Variants in C1orf167 observed in about 807,000 individuals in gnomAD.
The protein encoded by C1orf167 is uncharacterized protein C1orf167.
Under a neutral mutation model 176.5 loss-of-function variants are expected in C1orf167, and 153 were observed. The observed-to-expected ratio is 0.87, with a 90% confidence interval of 0.76 to 0.99. The LOEUF (loss-of-function observed/expected upper bound fraction) is 0.99, where lower values mean the gene tolerates loss of function less well. Among genes scored for constraint, C1orf167 ranks in the 50% least tolerant of loss-of-function variants. C1orf167 has a pLI of 0.00. For synonymous variants in C1orf167, 594 were observed against 752.7 expected (o/e 0.79, Z 3.45); for missense variants, 1,490 against 1,817.7 (o/e 0.82, Z 3.28).
At chr1:11,787,579 C>T in intron 17 of C1orf167, 86 bp downstream of exon 17, 1 of 954,572 alleles carries the variant, frequency 1.0e-6, no homozygotes, top group Non-Finnish European at 1.4e-6. Context: ...TGGAAATCAG[C>T]TCCTTGGGAC....
At chr1:11,776,126 G>C (rs6659287) in intron 9 of C1orf167, among the ~76,000 whole-genome samples, 11 of 151,966 alleles carry the variant, frequency 7.2e-5, no homozygotes, top group African/African-American at 2.7e-4. Flanking sequence ...GTGTGGTGGC[G>C]CATGCCTGTA....
At chr1:11,786,445 TTTTG>T (rs1643871372) in intron 16 of C1orf167, 1 of 152,176 alleles carries the variant, frequency 6.6e-6, no homozygotes, top group African/African-American at 2.4e-5. Flanking sequence ...TTCAGTCGTT[TTTTG>T]TTCTCAGACA....
intron 13 of C1orf167, 36 bp downstream of exon 13, chr1:11,780,046 G>A: frequency 2.4e-6 from 3 of 1,235,888 alleles, no homozygotes; most frequent in Non-Finnish European, 3.2e-6. Context: ...CTGCGGGTGA[G>A]GGCAGGGCCA....
intron 1 of C1orf167, among the ~76,000 whole-genome samples, chr1:11,762,711 C>T (rs1370069891): frequency 3.3e-5 from 5 of 152,204 alleles, no homozygotes; most frequent in African/African-American, 1.2e-4. Flanking sequence ...CTGCTGAAGG[C>T]TGCAAGGTGC....
intron 6 of C1orf167, among the ~76,000 whole-genome samples, chr1:11,769,443 T>C (rs1280875171): frequency 2.0e-5 from 3 of 151,932 alleles, no homozygotes; most frequent in Non-Finnish European, 4.4e-5. Context: ...GGGGGCATGC[T>C]TGTAGTCCCA....
At position 11,766,304 on chromosome 1, in the gene C1orf167, C is replaced by T. The variant is rs2100241667; in HGVS notation, c.518C>T (p.Ala173Val). 2.3e-6 allele frequency: 3 copies of T among 1,289,206 alleles called. No individual in the cohort carries two copies. Among genetic ancestry groups the T allele is most frequent in the South Asian group, 1.2e-5 (1 of 80,940 alleles). The allele number at this position is 1,289,206 out of a possible 1,614,324, so 79.9% of individuals were successfully genotyped here. Residue 173 changes from alanine (A) to valine (V), a missense_variant, in exon 3 of 21, where the codon GCC becomes GTC. Ala to Val is a moderately conservative substitution (Grantham distance 64). Transcript: ENST00000688073. This position sits in a 1 kb window ranked among gnomAD's most constrained non-coding sequence, Gnocchi z 4.5. Reference protein sequence around the residue: ...SSCLRQSGLPAPGTPSGDFRP... With the variant: ...SSCLRQSGLPVPGTPSGDFRP... ...TGCCTGAGGCAGTCCGGGCTGCCGG[C>T]CCCAGGCACCCCTAGCGGGGACTTC... is the stretch of plus-strand genomic sequence containing the variant.
At position 11,785,129 on chromosome 1, in the gene C1orf167, AC is replaced by A; in HGVS notation, c.3426-18del. ...CTGGCCTTTATGGCCCTGGCTGCAG[AC>A]TCCTTCCTCTCCCGCAGGGTCCTAG... On this transcript the variant is annotated intron_variant, in intron 15 of 20. Transcript: ENST00000688073. 7.8e-7 allele frequency: 1 copy of A among 1,276,118 alleles called. No individual in the cohort carries two copies. Among genetic ancestry groups the A allele is most frequent in the South Asian group, 1.2e-5 (1 of 80,358 alleles). 79.0% of individuals were successfully genotyped at this position (1,276,118 alleles called of 1,614,324 possible). A position where few individuals can be genotyped will look rare whatever the true frequency, so the allele number is the denominator to read the frequency against.
intron 12 of C1orf167, 94 bp downstream of exon 12, chr1:11,779,174 C>G (rs1381248693): frequency 1.7e-6 from 2 of 1,148,352 alleles, no homozygotes; most frequent in Non-Finnish European, 2.2e-6. Flanking sequence ...GCAGCAGCCC[C>G]TTGGGGTCTG....
rs2100417311 is a variant in C1orf167 at position 11,785,279 on chromosome 1, G to C, written c.3557G>C (p.Gly1186Ala). Residue 1186 changes from glycine (G) to alanine (A), a missense_variant, in exon 16 of 21, where the codon GGG (glycine) becomes GCG (alanine). By Grantham distance (60) the Gly-to-Ala change is moderately conservative (BLOSUM62 0). Coordinates refer to ENST00000688073, the MANE Select transcript of C1orf167 (RefSeq NM_001010881.2). ...CTCAGGGTGCGGCTGGGACTGCCAG[G>C]GGCCGGCAAGGTACGCCCCAAGCCC... ...VQLRVRLGLP[G>A]AGKTRSCWTQ... 1 of 1,286,588 alleles carries C rather than the reference G, an allele frequency of 7.8e-7. No individual in the cohort carries two copies. 79.7% of individuals were successfully genotyped at this position (1,286,588 alleles called of 1,614,324 possible). A position where few individuals can be genotyped will look rare whatever the true frequency, so the allele number is the denominator to read the frequency against.
rs1054721340 is a variant in C1orf167, at chr1:11,776,507, G to A, written c.2208G>A (p.Leu736=). 10 of 1,300,788 alleles carry A rather than the reference G, an allele frequency of 7.7e-6. No homozygotes were observed. The highest frequency in any genetic ancestry group is 1.0e-5 in the Non-Finnish European group (10 of 987,552). The allele number at this position is 1,300,788 out of a possible 1,614,324, so 80.6% of individuals were successfully genotyped here. A position where few individuals can be genotyped will look rare whatever the true frequency, so the allele number is the denominator to read the frequency against. ...CCGCAGGCCCTGGAGCCTGTGGCCTGGGTGCAGTGGGCCAGGCCCAGGGGC... is the reference window on the plus strand; with the variant it reads ...CCGCAGGCCCTGGAGCCTGTGGCCTAGGTGCAGTGGGCCAGGCCCAGGGGC... The part of the protein sequence containing the change: ...VYTAGPGACG[L]GAVGQAQGQQ... The change falls in exon 10 of 21, where the codon CTG becomes CTA. Residue 736 remains leucine, a synonymous_variant. Transcript: ENST00000688073.
chr1:11,788,561 G>T, intron 19 of C1orf167, 91 bp from the exon 20 acceptor site: 1 of 1,175,534 alleles, frequency 8.5e-7, no homozygotes, highest in Non-Finnish European at 1.1e-6. Context: ...TTTCACTCTG[G>T]TGCAGCAGTG....
At chr1:11,771,749 C>A in intron 7 of C1orf167, 113 bp downstream of exon 7, 2 of 653,948 alleles carry the variant, frequency 3.1e-6, no homozygotes, top group Non-Finnish European at 2.3e-6. Flanking sequence ...TATTTTGCAT[C>A]TGCTTTGGCA....
At chr1:11,762,551 T>C (rs1285071665) in intron 1 of C1orf167, among the ~76,000 whole-genome samples, 1 of 152,044 alleles carries the variant, frequency 6.6e-6, no homozygotes, top group African/African-American at 2.4e-5. Context: ...TGGTGGGGTG[T>C]TCTTGGTTAG....
chr1:11,766,670 G>A lies in C1orf167; in HGVS notation c.884G>A (p.Arg295Lys), dbSNP rs762516798. ...CCTGTCCTTGCTTCCTCGGATGGGA[G>A]GAGGAGACGCCTTCGAGGCCACAGG... ...SQPVLASSDG[R>K]RRRLRGHRET... The change falls in exon 3 of 21, where the codon AGG (arginine) becomes AAG (lysine). Residue 295 changes from arginine (R) to lysine (K), a missense_variant. By Grantham distance (26) the Arg-to-Lys change is conservative. Coordinates refer to ENST00000688073, the MANE Select transcript of C1orf167 (RefSeq NM_001010881.2). The surrounding 1 kb of genome is among the most constrained non-coding windows in gnomAD (Gnocchi z 4.5). 19 of 1,289,860 alleles carry A rather than the reference G, an allele frequency of 1.5e-5. No homozygotes were observed. Among genetic ancestry groups the A allele is most frequent in the Non-Finnish European group, 1.8e-5 (18 of 988,854 alleles). 79.9% of individuals were successfully genotyped at this position (1,289,860 alleles called of 1,614,324 possible).
At chr1:11,772,864 C>T (rs36029635) in intron 8 of C1orf167, among the ~76,000 whole-genome samples, 15,264 of 121,206 alleles carry the variant, frequency 0.13, 838 homozygotes, top group South Asian at 0.23. Flanking sequence ...TCTTTTTTTG[C>T]TCCCTGGTGG....
intron 12 of C1orf167, 30 bp downstream of exon 12, chr1:11,779,110 T>G (rs1044971188): frequency 8.2e-7 from 1 of 1,219,532 alleles, no homozygotes; most frequent in Non-Finnish European, 1.1e-6. Context: ...CGCCCGCCAC[T>G]CTATGGACTT....
In C1orf167 at chr1:11,767,223, C is replaced by T. The variant is rs912243038; in HGVS notation, c.1302C>T (p.Asn434=). 1.1e-4 allele frequency: 148 copies of T among 1,289,540 alleles called. No individual in the cohort carries two copies. The highest frequency in any genetic ancestry group is 1.5e-4 in the Non-Finnish European group (144 of 988,832). The allele number at this position is 1,289,540 out of a possible 1,614,324, so 79.9% of individuals were successfully genotyped here. ...DTVPASSASK[N]KAQNITAPES... Reference sequence around the variant, plus strand: ...GTTATGTACTCTTGCTTTCCCAGAACAAGGCACAAAACATCACAGCCCCAG... The same window carrying T: ...GTTATGTACTCTTGCTTTCCCAGAATAAGGCACAAAACATCACAGCCCCAG... The change falls in exon 4 of 21, where the codon AAC becomes AAT. Residue 434 remains asparagine, a splice_region_variant and synonymous_variant. Transcript: ENST00000688073.
intron 2 of C1orf167, among the ~76,000 whole-genome samples, chr1:11,764,965 A>G (rs1425721506): frequency 1.4e-4 from 21 of 146,582 alleles, no homozygotes; most frequent in Non-Finnish European, 1.9e-4. Context: ...GCAGCAGGAG[A>G]ATCACTTGTA....
rs1184833999 is a variant in C1orf167, at chr1:11,766,254, A to C, written c.468A>C (p.Gln156His). 3.1e-6 allele frequency: 4 copies of C among 1,289,800 alleles called. No homozygotes were observed. The highest frequency in any genetic ancestry group is 4.0e-6 in the Non-Finnish European group (4 of 988,852). The allele number at this position is 1,289,800 out of a possible 1,614,324, so 79.9% of individuals were successfully genotyped here. The change falls in exon 3 of 21, where the codon CAA (glutamine) becomes CAC (histidine). Residue 156 changes from glutamine (Q) to histidine (H), a missense_variant. Coordinates refer to ENST00000688073, the MANE Select transcript of C1orf167 (RefSeq NM_001010881.2). The surrounding 1 kb of genome is among the most constrained non-coding windows in gnomAD (Gnocchi z 4.5). The part of the protein sequence containing the change: ...HKLPWGPLLS[Q>H]EPLARPSSCL... ...TTCCCTGGGGTCCTCTCCTATCCCA[A>C]GAGCCACTGGCTCGCCCATCTTCCT...
Sources: allele counts gnomAD v4.1 joint callset (sites outside exome capture counted in the v4.1 genomes callset), GRCh38; gene constraint gnomAD v4.1.1; non-coding constraint Gnocchi (gnomAD v3.1); transcripts MANE v1.5; gene names NCBI Gene and HGNC (gene_info 2026-07-23, HGNC 2026-07-21).